GPHN: variants seen among roughly 807,000 people sequenced by gnomAD.
GPHN encodes gephyrin.
In GPHN, 17 loss-of-function variants were observed where a neutral mutation model predicts 95.5. The ratio of observed to expected loss-of-function variants is 0.18; its 90% confidence interval spans 0.12 to 0.27. The LOEUF (loss-of-function observed/expected upper bound fraction) is 0.27, where lower values mean the gene tolerates loss of function less well. Among genes scored for constraint, GPHN ranks in the 10% least tolerant of loss-of-function variants. The probability of loss-of-function intolerance (pLI) is 1.00; values close to 1 mark genes in which losing one functional copy is unlikely to be tolerated. For synonymous variants in GPHN, 320 were observed against 322.5 expected (o/e 0.99, Z 0.08); for missense variants, 660 against 978.1 (o/e 0.67, Z 4.34).
At chr14:67,064,817 TATCTC>T (rs2075977707) in intron 11 of GPHN, among the ~76,000 whole-genome samples, 1 of 152,180 alleles carries the variant, frequency 6.6e-6, no homozygotes, top group African/African-American at 2.4e-5. Flanking sequence ...ATTTGGTTCT[TATCTC>T]TTTTCTTCTT....
At chr14:67,190,435 C>G in the GPHN span, among the ~76,000 whole-genome samples, 1 of 152,100 alleles carries the variant, frequency 6.6e-6, no homozygotes, top group Non-Finnish European at 1.5e-5. Context: ...TTTGGCCAGG[C>G]TGGTCTCGAA....
intron 21 of GPHN, among the ~76,000 whole-genome samples, chr14:67,177,790 A>T (rs2083082356): frequency 6.6e-6 from 1 of 152,184 alleles, no homozygotes; most frequent in Non-Finnish European, 1.5e-5. Flanking sequence ...TATTTAGGAT[A>T]GTTAGCTCTT....
the GPHN span, among the ~76,000 whole-genome samples, chr14:67,478,046 C>T: frequency 2.6e-5 from 4 of 152,332 alleles, no homozygotes; most frequent in African/African-American, 7.2e-5. Flanking sequence ...AGTTAGCAAT[C>T]GCCATATAAC....
At chr14:66,551,492 A>G (rs1430474718) in intron 1 of GPHN, among the ~76,000 whole-genome samples, 3 of 152,118 alleles carry the variant, frequency 2.0e-5, no homozygotes, top group East Asian at 1.9e-4. Context: ...ACTGCCTCCT[A>G]TATCTAAGTC....
chr14:67,497,511 C>T, the GPHN span, among the ~76,000 whole-genome samples: 3 of 152,172 alleles, frequency 2.0e-5, 1 homozygote, highest in East Asian at 5.8e-4. Context: ...ATGCAATTCC[C>T]ACGTGACCAA....
At chr14:67,734,880 C>T in the GPHN span, among the ~76,000 whole-genome samples, 16 of 152,308 alleles carry the variant, frequency 1.1e-4, no homozygotes, top group African/African-American at 3.9e-4. Context: ...TTCCTGCCGC[C>T]CTCAGCAAGG....
At chr14:67,708,494 G>A in the GPHN span, among the ~76,000 whole-genome samples, 1 of 152,080 alleles carries the variant, frequency 6.6e-6, no homozygotes, top group Non-Finnish European at 1.5e-5. Flanking sequence ...AATTGTCTGT[G>A]GATGATGAAA....
At chr14:67,622,455 C>A in the GPHN span, among the ~76,000 whole-genome samples, 1 of 152,134 alleles carries the variant, frequency 6.6e-6, no homozygotes, top group Non-Finnish European at 1.5e-5. Context: ...ATATTCGAAC[C>A]TTGTTTATTA....
At chr14:66,808,094 C>T (rs117626493) in intron 3 of GPHN, among the ~76,000 whole-genome samples, 1,834 of 152,286 alleles carry the variant, frequency 0.012, 19 homozygotes, top group Non-Finnish European at 0.018. Context: ...TAAATAGTGA[C>T]AGCAAAATAT....
At chr14:66,570,960 G>T (rs1466586847) in intron 1 of GPHN, among the ~76,000 whole-genome samples, 1 of 151,870 alleles carries the variant, frequency 6.6e-6, no homozygotes, top group Non-Finnish European at 1.5e-5. Context: ...TTTTAACCTG[G>T]TTATTTTCTT....
the GPHN span, chr14:67,662,438 C>A: frequency 6.4e-7 from 1 of 1,569,682 alleles, no homozygotes; most frequent in Non-Finnish European, 8.8e-7. Flanking sequence ...AAAAGACCAA[C>A]ACCAGGTAGA....
chr14:67,589,984 G>A, the GPHN span: 1 of 1,449,900 alleles, frequency 6.9e-7, no homozygotes, highest in Non-Finnish European at 9.1e-7. Flanking sequence ...TCCTAGGACT[G>A]TGTCCACCTG....
At chr14:66,618,370 G>A (rs1037146026) in intron 1 of GPHN, among the ~76,000 whole-genome samples, 5 of 152,028 alleles carry the variant, frequency 3.3e-5, no homozygotes, top group South Asian at 2.1e-4. Flanking sequence ...GAGCTACTGC[G>A]CCCGGCCGAG....
the GPHN span, among the ~76,000 whole-genome samples, chr14:67,693,784 A>C: frequency 4.7e-5 from 7 of 148,686 alleles, 1 homozygote; most frequent in Non-Finnish European, 1.0e-4. Flanking sequence ...CTCATCCCTC[A>C]CCCCCTCACC....
chr14:67,412,239 CA>C, the GPHN span: 1 of 484,726 alleles, frequency 2.1e-6, no homozygotes, highest in East Asian at 3.7e-5. Flanking sequence ...GAAGTCAGAC[CA>C]AGTCGGGATT....
chr14:67,271,014 G>A, the GPHN span: 1 of 152,198 alleles, frequency 6.6e-6, no homozygotes, highest in Non-Finnish European at 1.5e-5. Context: ...CAGGTGCGTA[G>A]TAAAAGATAT....
rs1021117566 is a variant in GPHN at position 66,761,700 on chromosome 14, C to T, written c.144-14764C>T. ...TTTGAGATGGAGTCTCTTTCTGTGG[C>T]CCAGGCTGGAGTGTAGTGGCGTGAT... On this transcript the variant is annotated intron_variant, in intron 2 of 22. Coordinates refer to ENST00000478722, the MANE Select transcript of GPHN (RefSeq NM_020806.5). 8.0e-5 allele frequency among the ~76,000 whole-genome samples: 12 copies of T among 149,858 alleles called. 1 individual carries two copies. Among genetic ancestry groups the T allele is most frequent in the African/African-American group, 2.9e-4 (12 of 40,900 alleles).
intron 2 of GPHN, among the ~76,000 whole-genome samples, chr14:66,756,096 G>A (rs2058546111): frequency 6.6e-6 from 1 of 152,094 alleles, no homozygotes; most frequent in Admixed American, 6.6e-5. Context: ...GGGGCACATG[G>A]TAGAAGTTGC....
chr14:66,677,286 G>A (rs2066661155), intron 1 of GPHN, among the ~76,000 whole-genome samples: 1 of 151,908 alleles, frequency 6.6e-6, no homozygotes, highest in Admixed American at 6.6e-5. Flanking sequence ...CTGCTCTGAT[G>A]TTTCCTTCTT....
Sources: allele counts gnomAD v4.1 joint callset (sites outside exome capture counted in the v4.1 genomes callset), GRCh38; gene constraint gnomAD v4.1.1; transcripts MANE v1.5; gene names NCBI Gene and HGNC (gene_info 2026-07-23, HGNC 2026-07-21).